Variants in LRRC37A2 observed in about 807,000 individuals in gnomAD.
LRRC37A2 encodes leucine-rich repeat-containing protein 37A2.
A neutral mutation model predicts 68.8 loss-of-function variants in LRRC37A2; 9 were observed. That is an observed-to-expected ratio of 0.13 (90% CI 0.08 to 0.23). LRRC37A2 has a LOEUF of 0.23. Ranked by LOEUF, LRRC37A2 falls within the 10% of genes least tolerant of loss-of-function variation. The pLI is 1.00. For missense variants in LRRC37A2, 168 were observed against 950.4 expected (o/e 0.18, Z 10.82); for synonymous variants, 63 against 367.6 (o/e 0.17, Z 9.48).
chr17:46,876,582 G>T, the LRRC37A2 span: 1 of 1,613,464 alleles, frequency 6.2e-7, no homozygotes. Context: ...AGCTGCAGCA[G>T]CCTGTGCTGC....
chr17:46,755,912 G>T, the LRRC37A2 span: 1 of 1,322,072 alleles, frequency 7.6e-7, no homozygotes, highest in South Asian at 1.3e-5. Flanking sequence ...CAAGATACTG[G>T]ACTAAGTGGA....
the LRRC37A2 span, among the ~76,000 whole-genome samples, chr17:46,869,390 G>A: frequency 6.6e-6 from 1 of 152,164 alleles, no homozygotes; most frequent in Non-Finnish European, 1.5e-5. Flanking sequence ...CTCCCTCCAG[G>A]GTCTCTTCCC....
At chr17:46,974,987 C>CTTTTTTTTTTTTTTTTTTTT in the LRRC37A2 span, among the ~76,000 whole-genome samples, 1 of 119,062 alleles carries the variant, frequency 8.4e-6, no homozygotes, top group African/African-American at 3.2e-5. Context: ...TTACTATTTT[C>CTTTTTTTTTTTTTTTTTTTT]TTTTTTTTTT....
the LRRC37A2 span, among the ~76,000 whole-genome samples, chr17:46,491,983 GAC>G: frequency 1.3e-5 from 2 of 148,438 alleles, no homozygotes; most frequent in Admixed American, 6.7e-5. Flanking sequence ...TTAGTTTTGA[GAC>G]AGAGTTTCGC....
chr17:46,919,937 A>T, the LRRC37A2 span, among the ~76,000 whole-genome samples: 3 of 151,906 alleles, frequency 2.0e-5, no homozygotes, highest in African/African-American at 4.8e-5. Flanking sequence ...ACAGAGCGAG[A>T]CTCCATCTCA....
chr17:46,992,198 C>CTAAATAAATAAA, the LRRC37A2 span, among the ~76,000 whole-genome samples: 2,350 of 143,850 alleles, frequency 0.016, 80 homozygotes, highest in African/African-American at 0.057. Context: ...CCCATCTCTA[C>CTAAATAAATAAA]TAAATAAATA....
chr17:46,817,468 G>A, the LRRC37A2 span, among the ~76,000 whole-genome samples: 3 of 152,188 alleles, frequency 2.0e-5, no homozygotes, highest in South Asian at 2.1e-4. Flanking sequence ...GGGGAGAGGC[G>A]GAGTGTAATT....
At chr17:47,016,566 C>T in the LRRC37A2 span, among the ~76,000 whole-genome samples, 1 of 63,766 alleles carries the variant, frequency 1.6e-5, no homozygotes, top group Non-Finnish European at 3.1e-5. Context: ...GTTCAGCCTC[C>T]TCCCAGGCTA....
chr17:46,469,712 A>C, the LRRC37A2 span, among the ~76,000 whole-genome samples: 296 of 75,130 alleles, frequency 3.9e-3, 73 homozygotes, highest in East Asian at 0.011. Flanking sequence ...AACAAACAAA[A>C]AAAATTCCCT....
the LRRC37A2 span, among the ~76,000 whole-genome samples, chr17:47,000,846 G>A: frequency 6.6e-6 from 1 of 152,168 alleles, no homozygotes; most frequent in South Asian, 2.1e-4. Context: ...AACTATGGCT[G>A]CTGCCTCCCT....
the LRRC37A2 span, among the ~76,000 whole-genome samples, chr17:46,839,092 G>A: frequency 4.6e-5 from 7 of 152,194 alleles, no homozygotes; most frequent in Non-Finnish European, 1.0e-4. Context: ...TGGCCAAGCT[G>A]GTCTCGAACT....
At chr17:46,499,447 G>T in the LRRC37A2 span, among the ~76,000 whole-genome samples, 1 of 149,790 alleles carries the variant, frequency 6.7e-6, no homozygotes. Flanking sequence ...AAAATCTACA[G>T]TGGTTTCTGG....
At chr17:46,833,183 C>T in the LRRC37A2 span, 2 of 380,970 alleles carry the variant, frequency 5.2e-6, no homozygotes, top group Non-Finnish European at 1.1e-5. Flanking sequence ...ACATGGTGCT[C>T]TCAGCACAGA....
the LRRC37A2 span, among the ~76,000 whole-genome samples, chr17:46,844,650 G>A: frequency 6.6e-6 from 1 of 152,136 alleles, no homozygotes; most frequent in African/African-American, 2.4e-5. Flanking sequence ...TCTTTTTAGA[G>A]AGTTTAGAGA....
chr17:46,883,274 G>A, the LRRC37A2 span, among the ~76,000 whole-genome samples: 3 of 149,030 alleles, frequency 2.0e-5, no homozygotes, highest in South Asian at 4.2e-4. Flanking sequence ...GAGCTACTGC[G>A]CCCGGCCTTT....
At chr17:46,697,419 C>T in the LRRC37A2 span, among the ~76,000 whole-genome samples, 1 of 149,720 alleles carries the variant, frequency 6.7e-6, no homozygotes, top group East Asian at 2.0e-4. Context: ...ACCATGTTGG[C>T]CAGGCTGGTC....
the LRRC37A2 span, among the ~76,000 whole-genome samples, chr17:46,795,274 C>T: frequency 2.0e-5 from 3 of 152,176 alleles, no homozygotes; most frequent in Admixed American, 1.3e-4. Flanking sequence ...GCCCCTCTAC[C>T]GGCGCCCCAT....
chr17:46,863,913 A>C, the LRRC37A2 span, among the ~76,000 whole-genome samples: 698 of 152,256 alleles, frequency 4.6e-3, 10 homozygotes, highest in African/African-American at 0.016. Flanking sequence ...TCAGGCAGGG[A>C]GGTTCCTGCT....
At chr17:46,723,664 G>A in the LRRC37A2 span, among the ~76,000 whole-genome samples, 1 of 152,124 alleles carries the variant, frequency 6.6e-6, no homozygotes, top group South Asian at 2.1e-4. Context: ...AATCAGGACA[G>A]ATCCTTGACT....
Sources: allele counts gnomAD v4.1 joint callset (sites outside exome capture counted in the v4.1 genomes callset), GRCh38; gene constraint gnomAD v4.1.1; transcripts MANE v1.5; gene names NCBI Gene and HGNC (gene_info 2026-07-23, HGNC 2026-07-21).